The following GRID2 variants were observed in gnomAD, a reference collection of about 807,000 sequenced individuals.
GRID2 encodes the protein glutamate receptor ionotropic, delta-2.
A neutral mutation model predicts 114.8 loss-of-function variants in GRID2; 33 were observed. That is an observed-to-expected ratio of 0.29 (90% CI 0.22 to 0.38). GRID2 has a LOEUF of 0.38. Among genes scored for constraint, GRID2 ranks in the 10% least tolerant of loss-of-function variants. The pLI is 1.00. For synonymous variants in GRID2, 505 were observed against 449.9 expected (o/e 1.12, Z -1.55); for missense variants, 1,184 against 1,257.7 (o/e 0.94, Z 0.89).
At chr4:92,384,221 T>G (rs1729759516) in intron 1 of GRID2, among the ~76,000 whole-genome samples, 1 of 150,300 alleles carries the variant, frequency 6.7e-6, no homozygotes, top group African/African-American at 2.4e-5. Context: ...TTGGTGATTT[T>G]TGTTTCTTTT....
chr4:92,711,267 C>T (rs1196203703), intron 2 of GRID2, among the ~76,000 whole-genome samples: 1 of 152,186 alleles, frequency 6.6e-6, no homozygotes, highest in Non-Finnish European at 1.5e-5. Flanking sequence ...GCCTGCTAAG[C>T]AGACCTACTT....
At chr4:93,705,161 C>T (rs1377704214) in intron 14 of GRID2, among the ~76,000 whole-genome samples, 1 of 152,032 alleles carries the variant, frequency 6.6e-6, no homozygotes, top group Non-Finnish European at 1.5e-5. Context: ...GGGGGTGCAA[C>T]GGTATCTCAT....
At chr4:92,342,495 A>T (rs2110165444) in intron 1 of GRID2, among the ~76,000 whole-genome samples, 1 of 152,302 alleles carries the variant, frequency 6.6e-6, no homozygotes, top group African/African-American at 2.4e-5. Flanking sequence ...GGCTCATTTT[A>T]GTTAAAGCAT....
intron 2 of GRID2, among the ~76,000 whole-genome samples, chr4:92,621,514 C>A (rs1052521831): frequency 1.3e-5 from 2 of 151,580 alleles, no homozygotes; most frequent in Non-Finnish European, 2.9e-5. Context: ...ATAAAAACTC[C>A]ATAGATGAAT....
intron 2 of GRID2, among the ~76,000 whole-genome samples, chr4:93,073,691 T>C (rs1729013486): frequency 6.6e-6 from 1 of 152,138 alleles, no homozygotes; most frequent in Non-Finnish European, 1.5e-5. Flanking sequence ...ATGGGGTACA[T>C]GCAAAGACCT....
chr4:93,608,229 T>A (rs2149656595), intron 13 of GRID2, among the ~76,000 whole-genome samples: 1 of 150,276 alleles, frequency 6.7e-6, no homozygotes, highest in East Asian at 1.9e-4. Context: ...GCTCCCCTGG[T>A]TTTTCTTATA....
At chr4:93,511,584 G>A (rs1358892715) in intron 12 of GRID2, among the ~76,000 whole-genome samples, 1 of 152,078 alleles carries the variant, frequency 6.6e-6, no homozygotes, top group Non-Finnish European at 1.5e-5. Context: ...TTTTTTTACT[G>A]TGTGCATGAG....
intron 14 of GRID2, among the ~76,000 whole-genome samples, chr4:93,763,079 A>T (rs1733349167): frequency 6.6e-6 from 1 of 152,014 alleles, no homozygotes; most frequent in Admixed American, 6.6e-5. Context: ...AATCTCTAAA[A>T]CTGAACCCAA....
chr4:93,733,103 A>T (rs556534540), intron 14 of GRID2, among the ~76,000 whole-genome samples: 2 of 152,236 alleles, frequency 1.3e-5, no homozygotes, highest in Admixed American at 1.3e-4. Context: ...TATTGCTGTT[A>T]CTTCACCCTA....
chr4:93,760,425 T>G (rs114846245), intron 14 of GRID2, among the ~76,000 whole-genome samples: 4,367 of 152,310 alleles, frequency 0.029, 88 homozygotes, highest in South Asian at 0.071. Context: ...AATTACCTTT[T>G]TCAAATTTGA....
At chr4:92,375,553 T>C (rs17019344) in intron 1 of GRID2, among the ~76,000 whole-genome samples, 51,331 of 152,046 alleles carry the variant, frequency 0.34, 8,900 homozygotes, top group African/African-American at 0.44. Flanking sequence ...TTTATTCTCA[T>C]CTTAACTATC....
At chr4:93,148,263 G>A (rs576201950) in intron 4 of GRID2, among the ~76,000 whole-genome samples, 1 of 152,110 alleles carries the variant, frequency 6.6e-6, no homozygotes, top group Admixed American at 6.6e-5. Flanking sequence ...TTTCTCAAAT[G>A]CAAAGTAGAA....
At chr4:92,701,954 A>C (rs1734694579) in intron 2 of GRID2, among the ~76,000 whole-genome samples, 1 of 152,090 alleles carries the variant, frequency 6.6e-6, no homozygotes, top group Non-Finnish European at 1.5e-5. Flanking sequence ...TGATCAACAG[A>C]ATAAGTTACC....
chr4:93,230,436 T>C (rs570970483), intron 7 of GRID2, among the ~76,000 whole-genome samples: 1 of 152,284 alleles, frequency 6.6e-6, no homozygotes, highest in African/African-American at 2.4e-5. Flanking sequence ...AGGAGCATTA[T>C]CTGAAAAGAG....
chr4:92,418,869 A>T (rs1005792633), intron 1 of GRID2, among the ~76,000 whole-genome samples: 8 of 151,930 alleles, frequency 5.3e-5, no homozygotes, highest in African/African-American at 1.7e-4. Flanking sequence ...AATAATAATA[A>T]CATGTTGGCC....
intron 2 of GRID2, among the ~76,000 whole-genome samples, chr4:92,668,333 G>T (rs1322219215): frequency 6.6e-6 from 1 of 151,512 alleles, no homozygotes; most frequent in African/African-American, 2.4e-5. Flanking sequence ...AAATAATAAT[G>T]GTTTATAGAA....
At chr4:93,047,543 T>G (rs1305716148) in intron 2 of GRID2, among the ~76,000 whole-genome samples, 1 of 152,010 alleles carries the variant, frequency 6.6e-6, no homozygotes, top group South Asian at 2.1e-4. Flanking sequence ...TTTACTGTAT[T>G]CTTACAAGAA....
intron 8 of GRID2, among the ~76,000 whole-genome samples, chr4:93,388,267 A>G (rs1261214017): frequency 2.0e-5 from 3 of 152,296 alleles, no homozygotes; most frequent in African/African-American, 7.2e-5. Flanking sequence ...TGTTCCAGTC[A>G]AGGAAAACTG....
At chr4:92,734,113 A>T (rs1736469110) in intron 2 of GRID2, among the ~76,000 whole-genome samples, 1 of 151,972 alleles carries the variant, frequency 6.6e-6, no homozygotes, top group Non-Finnish European at 1.5e-5. Flanking sequence ...TTTGTAATTT[A>T]TTTTTACATG....
Sources: gnomAD v4.1 joint callset for allele counts (sites outside exome capture counted in the v4.1 genomes callset) on GRCh38, gnomAD v4.1.1 for gene constraint, MANE v1.5 for transcripts, NCBI Gene and HGNC (gene_info 2026-07-23, HGNC 2026-07-21) for gene names.